The following ATG10 variants were observed in gnomAD, a reference collection of about 807,000 sequenced individuals.
The protein encoded by ATG10 is ubiquitin-like-conjugating enzyme ATG10.
In ATG10, 30 loss-of-function variants were observed where a neutral mutation model predicts 32.1. The ratio of observed to expected loss-of-function variants is 0.94; its 90% confidence interval spans 0.70 to 1.27. ATG10 has a LOEUF of 1.27. Among genes scored for constraint, ATG10 ranks in the 50% most tolerant of loss-of-function variants. ATG10 has a pLI of 0.00. For missense variants in ATG10, 233 were observed against 262.3 expected, an observed-to-expected ratio of 0.89 and a Z score of 0.77; for synonymous variants, 87 against 91.5, an observed-to-expected ratio of 0.95 and a Z score of 0.28.
chr5:82,146,301 A>T (rs530184548), intron 3 of ATG10, among the ~76,000 whole-genome samples: 2 of 152,034 alleles, frequency 1.3e-5, no homozygotes, highest in African/African-American at 4.8e-5. Context: ...ATTCTAATTG[A>T]TGTTCCCCTA....
rs535936039 is a variant in ATG10, at chr5:82,115,404, A to G, written c.217-48995A>G. 1.1e-3 allele frequency among the ~76,000 whole-genome samples: 174 copies of G among 152,190 alleles called. 2 individuals carry two copies. The highest frequency in any genetic ancestry group is 2.2e-3 in the Admixed American group (34 of 15,240). ...AGAGTAGATGAGATAGAATTGGCCA[A>G]TGTTCACAGTTTTTGAGTTGGCTGA... On this transcript the variant is annotated intron_variant, in intron 3 of 7. Coordinates refer to ENST00000282185, the MANE Select transcript of ATG10 (RefSeq NM_031482.5).
rs543174413 is a variant in ATG10 at position 82,242,146 on chromosome 5, T to A, written c.454-10416T>A. On this transcript the variant is annotated intron_variant, in intron 5 of 7. Transcript: ENST00000282185. ...AATATAAATATATTGAACATATTTT[T>A]AAAAATGGATAAAAATATTGAAAGT... Among the ~76,000 whole-genome samples the A allele has an allele frequency of 9.9e-5, 15 of 152,232 alleles. No individual in the cohort carries two copies. The South Asian group carries it at 2.7e-3, about 27-fold the overall frequency.
At chr5:82,014,926 C>T (rs191392869) in intron 2 of ATG10, among the ~76,000 whole-genome samples, 77 of 152,308 alleles carry the variant, frequency 5.1e-4, no homozygotes, top group Admixed American at 9.2e-4. Context: ...CTAGCCTTGA[C>T]GGTCTTTACA....
intron 2 of ATG10, among the ~76,000 whole-genome samples, chr5:82,057,989 G>C (rs1310114823): frequency 6.6e-6 from 1 of 152,164 alleles, no homozygotes; most frequent in African/African-American, 2.4e-5. Flanking sequence ...GTGTAAGGGA[G>C]TAACAAGGGC....
At chr5:82,180,489 G>A (rs1744189475) in intron 5 of ATG10, among the ~76,000 whole-genome samples, 1 of 152,016 alleles carries the variant, frequency 6.6e-6, no homozygotes, top group African/African-American at 2.4e-5. Context: ...CTAAAGATTT[G>A]GCAAGAACAT....
At chr5:81,997,947 A>C (rs888022366) in intron 2 of ATG10, among the ~76,000 whole-genome samples, 1 of 152,234 alleles carries the variant, frequency 6.6e-6, no homozygotes, top group Non-Finnish European at 1.5e-5. Context: ...GAGAAAGCAA[A>C]CAACTTGGAA....
At chr5:82,019,068 T>C (rs1176156748) in intron 2 of ATG10, among the ~76,000 whole-genome samples, 1 of 152,268 alleles carries the variant, frequency 6.6e-6, no homozygotes, top group Non-Finnish European at 1.5e-5. Flanking sequence ...AATGAGTGAG[T>C]GAGTATCTGA....
chr5:82,087,503 C>T (rs1764732180), intron 3 of ATG10, among the ~76,000 whole-genome samples: 1 of 152,088 alleles, frequency 6.6e-6, no homozygotes, highest in Non-Finnish European at 1.5e-5. Context: ...GTGTAGCACT[C>T]ATTTTCTACT....
At chr5:81,979,846 C>T (rs1581559298) in intron 1 of ATG10, among the ~76,000 whole-genome samples, 2 of 147,740 alleles carry the variant, frequency 1.4e-5, no homozygotes, top group Non-Finnish European at 3.0e-5. Flanking sequence ...TATTTTAAAT[C>T]TTTTTTTTTT....
intron 3 of ATG10, among the ~76,000 whole-genome samples, chr5:82,084,611 C>T (rs969636653): frequency 6.6e-6 from 1 of 152,130 alleles, no homozygotes; most frequent in African/African-American, 2.4e-5. Flanking sequence ...AAAGGGAAGC[C>T]CATCAGACTA....
chr5:81,994,261 A>G (rs889959015), intron 2 of ATG10, among the ~76,000 whole-genome samples: 3 of 152,140 alleles, frequency 2.0e-5, no homozygotes, highest in African/African-American at 7.2e-5. Flanking sequence ...CAGGCCCCGC[A>G]TTGTGGCTTC....
chr5:82,020,522 C>A (rs183156332), intron 2 of ATG10, among the ~76,000 whole-genome samples: 1 of 152,128 alleles, frequency 6.6e-6, no homozygotes, highest in Admixed American at 6.5e-5. Flanking sequence ...TATTATTTCT[C>A]GGAAGTCTGC....
At chr5:82,120,923 A>G (rs1298957119) in intron 3 of ATG10, among the ~76,000 whole-genome samples, 1 of 152,188 alleles carries the variant, frequency 6.6e-6, no homozygotes, top group African/African-American at 2.4e-5. Flanking sequence ...ACAGGAAGAT[A>G]CACATTTATT....
At chr5:82,250,658 G>C (rs1418254525) in intron 5 of ATG10, among the ~76,000 whole-genome samples, 4 of 152,032 alleles carry the variant, frequency 2.6e-5, no homozygotes, top group African/African-American at 9.7e-5. Flanking sequence ...TGTTTCCTTT[G>C]TAGGGCTTAT....
chr5:82,040,897 C>T (rs58783306), intron 2 of ATG10, among the ~76,000 whole-genome samples: 2,578 of 152,312 alleles, frequency 0.017, 78 homozygotes, highest in African/African-American at 0.058. Context: ...AAACTCATTC[C>T]TGCCACAGGA....
chr5:82,043,256 T>C (rs1336617631), intron 2 of ATG10, among the ~76,000 whole-genome samples: 2 of 152,250 alleles, frequency 1.3e-5, no homozygotes. Flanking sequence ...GCCCTAGCTG[T>C]ACCATGGCCC....
At chr5:82,236,483 ACTGTC>A (rs951432633) in intron 5 of ATG10, among the ~76,000 whole-genome samples, 5 of 152,280 alleles carry the variant, frequency 3.3e-5, no homozygotes, top group Admixed American at 1.3e-4. Context: ...TGGAGTGGAG[ACTGTC>A]AGAAGCCCAG....
Position 82,225,579 on chromosome 5 carries a change from GACC to G in ATG10, c.454-26982_454-26980del, listed in dbSNP as rs1241809129. Among the ~76,000 whole-genome samples, 3 of 152,304 alleles carry G rather than the reference GACC, an allele frequency of 2.0e-5. No homozygotes were observed. In the East Asian group the frequency reaches 5.8e-4, roughly 29 times the overall value. Reference sequence around the variant, plus strand: ...ATGGTCTCAAAATCAAAATGGCCTTGACCTCATTATGTGACAGAGAATGTGGTT... The same window carrying G: ...ATGGTCTCAAAATCAAAATGGCCTTGTCATTATGTGACAGAGAATGTGGTT... On this transcript the variant is annotated intron_variant, in intron 5 of 7. Transcript: ENST00000282185.
chr5:82,144,695 AATTT>A (rs1477730052), intron 3 of ATG10, among the ~76,000 whole-genome samples: 1 of 148,002 alleles, frequency 6.8e-6, no homozygotes, highest in East Asian at 2.2e-4. Flanking sequence ...AGTTCTTTTA[AATTT>A]ATTTAAGATG....
Sources: allele counts gnomAD v4.1 joint callset (sites outside exome capture counted in the v4.1 genomes callset), GRCh38; gene constraint gnomAD v4.1.1; transcripts MANE v1.5; gene names NCBI Gene and HGNC (gene_info 2026-07-23, HGNC 2026-07-21).